The following NUP205 variants were observed in gnomAD, a reference collection of about 807,000 sequenced individuals.
NUP205 encodes nuclear pore complex protein Nup205.
In NUP205, 76 loss-of-function variants were observed where a neutral mutation model predicts 253.8. The observed-to-expected ratio is 0.30, with a 90% CI of 0.25 to 0.36. NUP205 has a LOEUF of 0.36. NUP205 is among the 10% of genes least tolerant of loss of function. The pLI, the probability that NUP205 is intolerant of heterozygous loss-of-function variation, is 1.00. For missense variants in NUP205, 2,162 were observed against 2,425.5 expected, an observed-to-expected ratio of 0.89 and a Z score of 2.28; for synonymous variants, 832 against 850.1, an observed-to-expected ratio of 0.98 and a Z score of 0.37.
intron 19 of NUP205, among the ~76,000 whole-genome samples, chr7:135,605,107 G>T (rs1794059582): frequency 6.6e-6 from 1 of 151,876 alleles, no homozygotes; most frequent in African/African-American, 2.4e-5. Flanking sequence ...CCAGGCTGGG[G>T]TGCAGTGGCA....
rs778542100 is a variant in NUP205, at chr7:135,571,217, A to G, written c.141A>G (p.Lys47=). 7.0e-7 allele frequency: 1 copy of G among 1,432,260 alleles called. No individual in the cohort carries two copies. Among genetic ancestry groups the G allele is most frequent in the Non-Finnish European group, 9.2e-7 (1 of 1,089,242 alleles). The allele number at this position is 1,432,260 out of a possible 1,614,324, so 88.7% of individuals were successfully genotyped here. The change falls in exon 2 of 43, where the codon AAA becomes AAG. Residue 47 remains lysine (K), a synonymous_variant. Transcript: ENST00000285968. Reference sequence around the variant, plus strand: ...TTGATAAGATTTTGAAGAAACACAAACCTGACTTCATCTCATTGTTCAAAA... The same window carrying G: ...TTGATAAGATTTTGAAGAAACACAAGCCTGACTTCATCTCATTGTTCAAAA... ...HLLDKILKKH[K]PDFISLFKNP... is the part of the protein sequence containing the mutation.
chr7:135,566,351 G>A (rs75857299), intron 1 of NUP205, among the ~76,000 whole-genome samples: 3,812 of 152,088 alleles, frequency 0.025, 80 homozygotes, highest in South Asian at 0.077. Context: ...TTGGCCTCCC[G>A]AAGTGCTGGG....
intron 29 of NUP205, 32 bp downstream of exon 29, chr7:135,619,722 A>G (rs1174339706): frequency 5.0e-6 from 8 of 1,597,086 alleles, no homozygotes; most frequent in South Asian, 4.5e-5. Context: ...TATAAATTCT[A>G]TCTTTTGTAT....
chr7:135,568,442 G>A (rs913562681), intron 1 of NUP205, among the ~76,000 whole-genome samples: 11 of 151,628 alleles, frequency 7.3e-5, no homozygotes, highest in African/African-American at 2.7e-4. Flanking sequence ...AAGCGATTCT[G>A]GTTCCTGGCC....
intron 5 of NUP205, 87 bp from the exon 6 acceptor site, chr7:135,577,709 G>A: frequency 1.1e-6 from 1 of 947,108 alleles, no homozygotes; most frequent in Non-Finnish European, 1.6e-6. Flanking sequence ...TTTTTTATTA[G>A]CCTTTGTAAA....
intron 33 of NUP205, among the ~76,000 whole-genome samples, chr7:135,627,645 C>G (rs1794619684): frequency 6.6e-6 from 1 of 152,158 alleles, no homozygotes. Context: ...AAATCTGTTT[C>G]TTACTTAACA....
intron 7 of NUP205, among the ~76,000 whole-genome samples, chr7:135,583,097 A>G (rs191253801): frequency 6.6e-6 from 1 of 152,182 alleles, no homozygotes. Context: ...CTCGAAATAA[A>G]TAATAAATAA....
chr7:135,608,555 A>C (rs996614070), intron 22 of NUP205, among the ~76,000 whole-genome samples: 1 of 151,808 alleles, frequency 6.6e-6, no homozygotes, highest in Non-Finnish European at 1.5e-5. Context: ...TGAAAATACA[A>C]AAATTAGCTG....
chr7:135,597,689 A>G (rs1354262803), intron 14 of NUP205: 3 of 455,076 alleles, frequency 6.6e-6, no homozygotes, highest in Admixed American at 7.6e-5. Context: ...AGATTACTTG[A>G]GTCAACCTGA....
At chr7:135,586,505 A>C (rs926222820) in intron 8 of NUP205, among the ~76,000 whole-genome samples, 1 of 152,110 alleles carries the variant, frequency 6.6e-6, no homozygotes, top group African/African-American at 2.4e-5. Context: ...TTTAAGATAT[A>C]AGCTTAGATT....
chr7:135,587,210 GTGT>G lies in NUP205; in HGVS notation c.1219-360_1219-358del, dbSNP rs745995001. 1.2e-4 allele frequency among the ~76,000 whole-genome samples: 19 copies of G among 152,058 alleles called. 1 individual carries two copies. Among genetic ancestry groups the G allele is most frequent in the East Asian group, 9.6e-4 (5 of 5,200 alleles). On this transcript the variant is annotated intron_variant, in intron 8 of 42. Transcript: ENST00000285968. The stretch of plus-strand genomic sequence containing the variant: ...AGTTTTGCTTGTTATGATGACTCTG[GTGT>G]TGTTATTGATAGTTGGTAGGTAGTT...
intron 1 of NUP205, chr7:135,558,221 A>G (rs1323324160): frequency 5.4e-6 from 3 of 557,458 alleles, no homozygotes; most frequent in Non-Finnish European, 9.7e-6. Flanking sequence ...CCAGGTGTGT[A>G]ATCTCTCACA....
In NUP205 at chr7:135,598,073, C is replaced by T; in HGVS notation, c.2140C>T (p.Leu714=). 6.2e-7 allele frequency: 1 copy of T among 1,614,104 alleles called. No individual in the cohort carries two copies. Among genetic ancestry groups the T allele is most frequent in the Non-Finnish European group, 8.5e-7 (1 of 1,179,994 alleles). Residue 714 remains leucine (L), a synonymous_variant, in exon 15 of 43, where the codon CTG becomes TTG. Transcript: ENST00000285968. ...GGCCTTTTGCCAGCTTATTAGTACT[C>T]TGGTGGAGAGCTCATTTCCTTCTAA... ...TRAFCQLIST[L]VESSFPSNLG... is the part of the protein sequence containing the mutation.
At position 135,636,741 on chromosome 7, in the gene NUP205, C is replaced by T. The variant is rs112514951; in HGVS notation, c.5136+1084C>T. Among the ~76,000 whole-genome samples, 854 of 152,242 alleles carry T rather than the reference C, an allele frequency of 5.6e-3. 14 individuals carry two copies. Among genetic ancestry groups the T allele is most frequent in the East Asian group, 0.051 (266 of 5,182 alleles). ...CTTACAGTGGCCGGGTGGGATGGCTCGCTCTTGTAATCCTAGCATTTTGGG... is the reference window on the plus strand; with the variant it reads ...CTTACAGTGGCCGGGTGGGATGGCTTGCTCTTGTAATCCTAGCATTTTGGG... On this transcript the variant is annotated intron_variant, in intron 36 of 42. Coordinates refer to ENST00000285968, the MANE Select transcript of NUP205 (RefSeq NM_015135.3).
chr7:135,582,264 A>T (rs1194130710), intron 7 of NUP205, among the ~76,000 whole-genome samples: 1 of 152,206 alleles, frequency 6.6e-6, no homozygotes, highest in African/African-American at 2.4e-5. Flanking sequence ...CAGCCTGGGC[A>T]GCAGAGTAAG....
intron 1 of NUP205, among the ~76,000 whole-genome samples, chr7:135,566,684 T>C (rs1252007002): frequency 3.3e-5 from 5 of 152,180 alleles, no homozygotes; most frequent in African/African-American, 1.2e-4. Context: ...CATAGCCCGT[T>C]GTACTTCATC....
chr7:135,626,490 C>A, intron 33 of NUP205, 129 bp downstream of exon 33: 7 of 921,190 alleles, frequency 7.6e-6, no homozygotes, highest in Non-Finnish European at 1.1e-5. Flanking sequence ...TTTGGTCATA[C>A]TGTGCCCCTG....
chr7:135,607,053 C>A, intron 21 of NUP205, 138 bp downstream of exon 21: 1 of 1,123,794 alleles, frequency 8.9e-7, no homozygotes, highest in South Asian at 1.6e-5. Context: ...TGGGTCAGTT[C>A]TTTAGGGCTT....
rs1794564263 is a variant in NUP205, at chr7:135,625,316, T to G, written c.4632T>G (p.Pro1544=). 1 of 1,611,086 alleles carries G rather than the reference T, an allele frequency of 6.2e-7. No homozygotes were observed. The highest frequency in any genetic ancestry group is 1.1e-5 in the South Asian group (1 of 90,624). The change falls in exon 32 of 43, where the codon CCT becomes CCG. Residue 1544 remains proline, a synonymous_variant. Transcript: ENST00000285968. ...RTLQSLLTPQ[P]PLLKALYTYE... ...TGCAGAGCTTACTCACCCCACAGCC[T>G]CCCCTTTTAAAAGCACTTTATACTT...
Sources: allele counts gnomAD v4.1 joint callset (sites outside exome capture counted in the v4.1 genomes callset), GRCh38; gene constraint gnomAD v4.1.1; transcripts MANE v1.5; gene names NCBI Gene and HGNC (gene_info 2026-07-23, HGNC 2026-07-21).